The following NKAIN2 variants were observed in gnomAD, a reference collection of about 807,000 sequenced individuals.
The protein encoded by NKAIN2 is sodium/potassium-transporting ATPase subunit beta-1-interacting protein 2.
NKAIN2 carries 14 observed loss-of-function variants against 32.6 expected under a neutral mutation model. The observed-to-expected ratio is 0.43, with a 90% CI of 0.28 to 0.67. The LOEUF is 0.67. NKAIN2 is among the 30% of genes least tolerant of loss of function. NKAIN2 has a pLI of 0.17. For missense variants in NKAIN2, 198 were observed against 258.3 expected (o/e 0.77, Z 1.60); for synonymous variants, 80 against 87.2 (o/e 0.92, Z 0.46).
At chr6:124,146,939 C>T (rs1787439293) in intron 1 of NKAIN2, among the ~76,000 whole-genome samples, 1 of 152,140 alleles carries the variant, frequency 6.6e-6, no homozygotes, top group Admixed American at 6.5e-5. Context: ...GCTTCAAAGG[C>T]ATGTTAGTGT....
At chr6:124,578,490 T>A (rs1464773597) in intron 3 of NKAIN2, among the ~76,000 whole-genome samples, 1 of 151,284 alleles carries the variant, frequency 6.6e-6, no homozygotes, top group Non-Finnish European at 1.5e-5. Flanking sequence ...CCTCTGCTTG[T>A]GGAAAAGAGA....
At chr6:123,969,385 G>A (rs377452098) in intron 1 of NKAIN2, among the ~76,000 whole-genome samples, 6 of 152,268 alleles carry the variant, frequency 3.9e-5, no homozygotes, top group East Asian at 1.9e-4. Flanking sequence ...TGAAGAGATG[G>A]CTGCGGTTTA....
chr6:124,495,770 C>T (rs1778039386), intron 3 of NKAIN2, among the ~76,000 whole-genome samples: 1 of 152,128 alleles, frequency 6.6e-6, no homozygotes, highest in South Asian at 2.1e-4. Context: ...TGACTGTCAG[C>T]TTCAGCATTC....
chr6:124,036,834 A>G (rs1781623486), intron 1 of NKAIN2, among the ~76,000 whole-genome samples: 1 of 152,156 alleles, frequency 6.6e-6, no homozygotes, highest in Non-Finnish European at 1.5e-5. Context: ...TGAAGTGGCA[A>G]GCAGCTTTCA....
At chr6:123,923,862 A>G (rs1274394696) in intron 1 of NKAIN2, among the ~76,000 whole-genome samples, 3 of 150,980 alleles carry the variant, frequency 2.0e-5, no homozygotes, top group Admixed American at 6.6e-5. Flanking sequence ...TAGTGGGTGC[A>G]GCACACCAGC....
intron 3 of NKAIN2, among the ~76,000 whole-genome samples, chr6:124,377,247 C>T (rs1197973826): frequency 6.6e-6 from 1 of 152,218 alleles, no homozygotes; most frequent in Non-Finnish European, 1.5e-5. Context: ...TTTCAATCTA[C>T]TATTTCTTTC....
intron 1 of NKAIN2, among the ~76,000 whole-genome samples, chr6:123,859,066 A>T (rs1775675442): frequency 6.6e-6 from 1 of 152,216 alleles, no homozygotes; most frequent in Non-Finnish European, 1.5e-5. Context: ...GTTTTAAAGG[A>T]AGAATTACCA....
chr6:124,700,705 A>G lies in NKAIN2; in HGVS notation c.474+42319A>G, dbSNP rs184279762. Among the ~76,000 whole-genome samples, 291 of 152,254 alleles carry G rather than the reference A, an allele frequency of 1.9e-3. 1 individual carries two copies. Among genetic ancestry groups the G allele is most frequent in the Non-Finnish European group, 3.4e-3 (234 of 67,992 alleles). ...TATAAGCATTTAGAGCAAGAGGAACATAAAATTTCTGACATGAACCTAGAG... is the reference window on the plus strand; with the variant it reads ...TATAAGCATTTAGAGCAAGAGGAACGTAAAATTTCTGACATGAACCTAGAG... On this transcript the variant is annotated intron_variant, in intron 4 of 6. Coordinates refer to ENST00000368417, the MANE Select transcript of NKAIN2 (RefSeq NM_001040214.3).
intron 3 of NKAIN2, among the ~76,000 whole-genome samples, chr6:124,358,284 T>A (rs1799089764): frequency 6.6e-6 from 1 of 152,160 alleles, no homozygotes; most frequent in Admixed American, 6.5e-5. Context: ...CCTTTGGGTA[T>A]GTACCCAGTA....
At chr6:124,755,622 A>G (rs1169458262) in intron 4 of NKAIN2, among the ~76,000 whole-genome samples, 1 of 152,156 alleles carries the variant, frequency 6.6e-6, no homozygotes, top group Non-Finnish European at 1.5e-5. Context: ...AGCAAATCAA[A>G]TACCGCATTT....
intron 3 of NKAIN2, among the ~76,000 whole-genome samples, chr6:124,524,828 C>T (rs1779252394): frequency 6.6e-6 from 1 of 152,074 alleles, no homozygotes; most frequent in South Asian, 2.1e-4. Flanking sequence ...AAACTGATTA[C>T]CATAGGCAAT....
chr6:124,254,969 T>G (rs1027677749), intron 1 of NKAIN2, among the ~76,000 whole-genome samples: 3 of 152,186 alleles, frequency 2.0e-5, no homozygotes, highest in African/African-American at 7.2e-5. Context: ...GTCTTCACCC[T>G]GAACAGAAGT....
chr6:123,871,529 C>A (rs1772878615), intron 1 of NKAIN2, among the ~76,000 whole-genome samples: 1 of 152,116 alleles, frequency 6.6e-6, no homozygotes, highest in Non-Finnish European at 1.5e-5. Context: ...GTTTGTATAT[C>A]CCATATATTT....
At chr6:124,558,691 T>C (rs1234780662) in intron 3 of NKAIN2, among the ~76,000 whole-genome samples, 2 of 152,216 alleles carry the variant, frequency 1.3e-5, no homozygotes, top group African/African-American at 4.8e-5. Context: ...CTCAAGCCCG[T>C]AATCCCAGCA....
At chr6:124,690,211 G>A (rs1222431223) in intron 4 of NKAIN2, among the ~76,000 whole-genome samples, 3 of 152,050 alleles carry the variant, frequency 2.0e-5, no homozygotes, top group Non-Finnish European at 4.4e-5. Flanking sequence ...TGGTGCCAAT[G>A]TGAATACTAT....
At position 124,756,318 on chromosome 6, in the gene NKAIN2, C is replaced by A. The variant is rs533413564; in HGVS notation, c.475-35021C>A. 9.5e-4 allele frequency among the ~76,000 whole-genome samples: 144 copies of A among 152,156 alleles called. 2 individuals carry two copies. In the South Asian group the frequency reaches 9.8e-3, roughly 10 times the overall value. On this transcript the variant is annotated intron_variant, in intron 4 of 6. Transcript: ENST00000368417. Reference sequence around the variant, plus strand: ...TTTAAAGAAAGTTTCCTTCTGCTTTCGACACTGGCCTTTTTAGACACAGGT... The same window carrying A: ...TTTAAAGAAAGTTTCCTTCTGCTTTAGACACTGGCCTTTTTAGACACAGGT...
At chr6:123,896,214 C>T (rs62436097) in intron 1 of NKAIN2, among the ~76,000 whole-genome samples, 23,567 of 152,116 alleles carry the variant, frequency 0.15, 1,965 homozygotes, top group Non-Finnish European at 0.18. Flanking sequence ...ATTGCAGATA[C>T]TGAGAGAGAT....
intron 1 of NKAIN2, among the ~76,000 whole-genome samples, chr6:123,912,917 G>C (rs762891173): frequency 1.8e-4 from 27 of 152,292 alleles, no homozygotes; most frequent in African/African-American, 6.0e-4. Flanking sequence ...TTGTGATTTA[G>C]TGAAAGCTAC....
intron 1 of NKAIN2, among the ~76,000 whole-genome samples, chr6:124,009,177 C>T (rs1780210472): frequency 1.3e-5 from 2 of 152,096 alleles, no homozygotes; most frequent in Admixed American, 1.3e-4. Context: ...GTTCCTCATA[C>T]TCTACTTTCA....
Sources: allele counts gnomAD v4.1 joint callset (sites outside exome capture counted in the v4.1 genomes callset), GRCh38; gene constraint gnomAD v4.1.1; transcripts MANE v1.5; gene names NCBI Gene and HGNC (gene_info 2026-07-23, HGNC 2026-07-21).